The following PELI2 variants were observed in gnomAD, a reference collection of about 807,000 sequenced individuals.
PELI2 encodes the protein E3 ubiquitin-protein ligase pellino homolog 2.
In PELI2, 23 loss-of-function variants were observed where a neutral mutation model predicts 42.3. That is an observed-to-expected ratio of 0.54 (90% CI 0.39 to 0.77). PELI2 has a LOEUF of 0.77. Among genes scored for constraint, PELI2 ranks in the 30% least tolerant of loss-of-function variants. The pLI, the probability that PELI2 is intolerant of heterozygous loss-of-function variation, is 0.00. For missense variants in PELI2, 463 were observed against 553.2 expected (o/e 0.84, Z 1.64); for synonymous variants, 245 against 212.2 (o/e 1.15, Z -1.34).
At chr14:56,158,696 T>C (rs1884653531) in intron 1 of PELI2, among the ~76,000 whole-genome samples, 1 of 152,170 alleles carries the variant, frequency 6.6e-6, no homozygotes, top group Non-Finnish European at 1.5e-5. Flanking sequence ...GTAGAAGTTG[T>C]ATATAAACAG....
At chr14:56,155,325 T>G (rs1884516082) in intron 1 of PELI2, among the ~76,000 whole-genome samples, 1 of 152,148 alleles carries the variant, frequency 6.6e-6, no homozygotes, top group Non-Finnish European at 1.5e-5. Context: ...TTAACTGTTA[T>G]TTTATTTTAT....
At chr14:56,130,362 C>T (rs558129871) in intron 1 of PELI2, among the ~76,000 whole-genome samples, 16 of 152,182 alleles carry the variant, frequency 1.1e-4, no homozygotes, top group African/African-American at 1.9e-4. Flanking sequence ...AGTGCTGATT[C>T]GAACCTAGGT....
chr14:56,206,505 C>A (rs538534512), intron 2 of PELI2, among the ~76,000 whole-genome samples: 143 of 76,350 alleles, frequency 1.9e-3, no homozygotes, highest in African/African-American at 8.3e-3. Context: ...TTTCAGAGTT[C>A]AGTAAATGAC....
At chr14:56,224,352 G>A (rs1024278784) in intron 2 of PELI2, among the ~76,000 whole-genome samples, 5 of 152,172 alleles carry the variant, frequency 3.3e-5, no homozygotes, top group Non-Finnish European at 5.9e-5. Flanking sequence ...TATCCCACCT[G>A]GTGGTGACTA....
intron 1 of PELI2, among the ~76,000 whole-genome samples, chr14:56,173,458 T>G (rs538476098): frequency 2.0e-5 from 3 of 152,298 alleles, no homozygotes; most frequent in Admixed American, 2.0e-4. Flanking sequence ...AAAATTTTTC[T>G]CTAATCCTCC....
intron 2 of PELI2, among the ~76,000 whole-genome samples, chr14:56,213,124 G>A (rs1376552321): frequency 3.3e-5 from 5 of 152,166 alleles, no homozygotes. Flanking sequence ...ACTAGAAAGT[G>A]ACTGCAGGTA....
intron 2 of PELI2, among the ~76,000 whole-genome samples, chr14:56,211,776 G>T (rs1250539846): frequency 6.6e-6 from 1 of 151,186 alleles, no homozygotes; most frequent in African/African-American, 2.4e-5. Flanking sequence ...AGTCGCGGGT[G>T]GTGTGGAGAT....
chr14:56,235,865 A>G (rs1034085132), intron 2 of PELI2, among the ~76,000 whole-genome samples: 7 of 152,208 alleles, frequency 4.6e-5, no homozygotes, highest in Admixed American at 1.3e-4. Flanking sequence ...GCGTACATTT[A>G]GGTACAAAGG....
At chr14:56,140,801 C>G (rs1484930276) in intron 1 of PELI2, among the ~76,000 whole-genome samples, 1 of 152,142 alleles carries the variant, frequency 6.6e-6, no homozygotes, top group Non-Finnish European at 1.5e-5. Flanking sequence ...CCCACAGGAT[C>G]TAATGGGCAA....
At chr14:56,249,509 C>G (rs564531671) in intron 2 of PELI2, among the ~76,000 whole-genome samples, 4 of 152,308 alleles carry the variant, frequency 2.6e-5, no homozygotes, top group Admixed American at 1.3e-4. Context: ...AAGGTGCAGT[C>G]AGTTTAATTC....
At chr14:56,253,494 C>T (rs1322099052) in intron 2 of PELI2, among the ~76,000 whole-genome samples, 1 of 152,202 alleles carries the variant, frequency 6.6e-6, no homozygotes, top group African/African-American at 2.4e-5. Context: ...TAAGCAACTT[C>T]AGCAAAGTCT....
chr14:56,193,397 G>A (rs914373584), intron 2 of PELI2, among the ~76,000 whole-genome samples: 1 of 152,080 alleles, frequency 6.6e-6, no homozygotes, highest in African/African-American at 2.4e-5. Flanking sequence ...CCCTGATTGT[G>A]GCCATGATTG....
intron 2 of PELI2, among the ~76,000 whole-genome samples, chr14:56,256,498 A>G (rs1001343327): frequency 1.3e-5 from 2 of 152,244 alleles, no homozygotes; most frequent in South Asian, 2.1e-4. Flanking sequence ...AAAATTAACT[A>G]TAAATGTAAG....
intron 2 of PELI2, among the ~76,000 whole-genome samples, chr14:56,268,431 C>G (rs1490101724): frequency 1.3e-5 from 2 of 152,262 alleles, no homozygotes; most frequent in African/African-American, 4.8e-5. Context: ...TATCTCCTTA[C>G]AAAATTTACC....
chr14:56,138,213 A>T (rs1883755344), intron 1 of PELI2, among the ~76,000 whole-genome samples: 1 of 152,216 alleles, frequency 6.6e-6, no homozygotes, highest in African/African-American at 2.4e-5. Flanking sequence ...TGTTTAAAGT[A>T]GTCATTTTCC....
At chr14:56,188,895 C>T (rs757072375) in intron 2 of PELI2, among the ~76,000 whole-genome samples, 2 of 152,144 alleles carry the variant, frequency 1.3e-5, no homozygotes, top group Non-Finnish European at 2.9e-5. Context: ...CGCAGTGGCT[C>T]ATGTCTGTAA....
In PELI2 at chr14:56,141,349, C is replaced by T. The variant is rs143091651; in HGVS notation, c.77+22612C>T. Among the ~76,000 whole-genome samples, 50 of 152,194 alleles carry T rather than the reference C, an allele frequency of 3.3e-4. No individual in the cohort carries two copies. In the East Asian group the frequency reaches 5.4e-3, roughly 16 times the overall value. On this transcript the variant is annotated intron_variant, in intron 1 of 5. Coordinates refer to ENST00000267460, the MANE Select transcript of PELI2 (RefSeq NM_021255.3). The stretch of plus-strand genomic sequence containing the variant: ...TGTGCCCTCAGGGCTTTTGTCAGGA[C>T]GGACGTTAGGACTGGCAAGGCAAGA...
At chr14:56,272,867 T>C (rs1315761016) in intron 2 of PELI2, among the ~76,000 whole-genome samples, 1 of 152,200 alleles carries the variant, frequency 6.6e-6, no homozygotes, top group Admixed American at 6.5e-5. Context: ...ACCTGTTCCG[T>C]TCTCTTGGGT....
At chr14:56,193,781 A>T (rs954673404) in intron 2 of PELI2, among the ~76,000 whole-genome samples, 1 of 152,198 alleles carries the variant, frequency 6.6e-6, no homozygotes, top group Admixed American at 6.5e-5. Flanking sequence ...AAAATGTTTT[A>T]AGTTAATGTG....
Sources: gnomAD v4.1 joint callset for allele counts (sites outside exome capture counted in the v4.1 genomes callset) on GRCh38, gnomAD v4.1.1 for gene constraint, MANE v1.5 for transcripts, NCBI Gene and HGNC (gene_info 2026-07-23, HGNC 2026-07-21) for gene names.